DOCK1: variants seen among roughly 807,000 people sequenced by gnomAD.
The protein encoded by DOCK1 is dedicator of cytokinesis 1.
Under a neutral mutation model 262.7 loss-of-function variants are expected in DOCK1, and 138 were observed. That is an observed-to-expected ratio of 0.53 (90% confidence interval 0.46 to 0.61). The LOEUF (loss-of-function observed/expected upper bound fraction) is 0.61, where lower values mean the gene tolerates loss of function less well. Ranked by LOEUF, DOCK1 falls within the 20% of genes least tolerant of loss-of-function variation. DOCK1 has a pLI of 0.00. For missense variants in DOCK1, 1,908 were observed against 2,370.7 expected (o/e 0.80, Z 4.05); for synonymous variants, 866 against 867.4 (o/e 1.00, Z 0.03).
In DOCK1 at chr10:127,175,827, A is replaced by G. The variant is rs779906190; in HGVS notation, c.2847+48063A>G. The G allele has an allele frequency of 1.9e-6, 3 of 1,613,206 alleles. No individual in the cohort carries two copies. In the Admixed American group the frequency reaches 5.0e-5, roughly 27 times the overall value. ...GCTTTTACAGGGCTCTGTGCAGTTG[A>G]CCCCCAAAGGCTGGTCCACTGTGTT... On this transcript the variant is annotated intron_variant, in intron 27 of 51. Coordinates refer to ENST00000623213, the MANE Select transcript of DOCK1 (RefSeq NM_001290223.2). The surrounding 1 kb of genome is among the most constrained non-coding windows in gnomAD (Gnocchi z 6.3).
chr10:127,076,801 C>A (rs776872595), intron 23 of DOCK1, among the ~76,000 whole-genome samples: 3 of 152,188 alleles, frequency 2.0e-5, no homozygotes, highest in Non-Finnish European at 4.4e-5. Context: ...GTCATCTACC[C>A]CAGGGCCTGT....
At chr10:127,021,354 G>A (rs1009065482) in intron 13 of DOCK1, among the ~76,000 whole-genome samples, 1 of 152,126 alleles carries the variant, frequency 6.6e-6, no homozygotes, top group Non-Finnish European at 1.5e-5. Flanking sequence ...TAATAGAGAC[G>A]GGGGTTCACT....
At chr10:127,449,306 C>CA (rs2070802654) in intron 51 of DOCK1, among the ~76,000 whole-genome samples, 1 of 152,090 alleles carries the variant, frequency 6.6e-6, no homozygotes, top group East Asian at 1.9e-4. Context: ...ACATTCTCTT[C>CA]TCTCTATTTT....
intron 21 of DOCK1, among the ~76,000 whole-genome samples, chr10:127,044,269 T>A (rs759280627): frequency 2.6e-5 from 4 of 152,152 alleles, no homozygotes; most frequent in Non-Finnish European, 4.4e-5. Flanking sequence ...CAGCTGTTAA[T>A]ATACCCTGGT....
At chr10:127,353,682 C>T (rs746154405) in intron 31 of DOCK1, among the ~76,000 whole-genome samples, 1 of 152,224 alleles carries the variant, frequency 6.6e-6, no homozygotes, top group East Asian at 1.9e-4. Flanking sequence ...GGCGCATGGC[C>T]TCCCACGCAC....
At chr10:127,411,327 G>T (rs2067833299) in intron 43 of DOCK1, among the ~76,000 whole-genome samples, 1 of 152,194 alleles carries the variant, frequency 6.6e-6, no homozygotes, top group Non-Finnish European at 1.5e-5. Flanking sequence ...ACATGAACTG[G>T]ATCTGGACCC....
intron 22 of DOCK1, among the ~76,000 whole-genome samples, chr10:127,054,779 T>C (rs976410065): frequency 3.3e-5 from 5 of 152,236 alleles, no homozygotes; most frequent in African/African-American, 1.2e-4. Context: ...GTGCAGTTTG[T>C]GATCAATATG....
chr10:127,354,899 C>G (rs1258780850), intron 32 of DOCK1, among the ~76,000 whole-genome samples, 172 bp downstream of exon 32: 1 of 152,166 alleles, frequency 6.6e-6, no homozygotes, highest in East Asian at 1.9e-4. Flanking sequence ...AGATAGAAGA[C>G]CAAAGGCAAG....
chr10:127,307,070 A>G (rs2061903380), intron 29 of DOCK1, among the ~76,000 whole-genome samples: 1 of 152,196 alleles, frequency 6.6e-6, no homozygotes, highest in African/African-American at 2.4e-5. Flanking sequence ...TTACTTCTCA[A>G]TATATTACTT....
chr10:126,953,357 A>G (rs944333740), intron 1 of DOCK1, among the ~76,000 whole-genome samples: 1 of 138,896 alleles, frequency 7.2e-6, no homozygotes, highest in Non-Finnish European at 1.5e-5. Flanking sequence ...TGGTTGTGGT[A>G]GTATTGTTGG....
In DOCK1 at chr10:127,362,224, G is replaced by C. The variant is rs777576948; in HGVS notation, c.3432+12G>C. The C allele has an allele frequency of 1.2e-6, 2 of 1,609,386 alleles. No homozygotes were observed. Among genetic ancestry groups the C allele is most frequent in the Admixed American group, 1.7e-5 (1 of 59,098 alleles). ...GAAGCTTCCAAATGGTAAGGACGTA[G>C]ATGTGCAGCGAGTGGCCGGGGGACA... is the stretch of plus-strand genomic sequence containing the variant. On this transcript the variant is annotated intron_variant, in intron 33 of 51. Coordinates refer to ENST00000623213, the MANE Select transcript of DOCK1 (RefSeq NM_001290223.2).
chr10:126,913,048 A>G (rs1260754150), intron 1 of DOCK1, among the ~76,000 whole-genome samples: 1 of 150,972 alleles, frequency 6.6e-6, no homozygotes, highest in African/African-American at 2.4e-5. Context: ...CGAGGGAGGT[A>G]AGGAGCTTTC....
At chr10:127,261,157 T>C (rs1315695085) in intron 29 of DOCK1, among the ~76,000 whole-genome samples, 1 of 116,768 alleles carries the variant, frequency 8.6e-6, no homozygotes, top group African/African-American at 3.5e-5. Flanking sequence ...GTACCCGTGC[T>C]CATCTGTGTG....
intron 29 of DOCK1, 61 bp downstream of exon 29, chr10:127,257,490 A>G: frequency 6.8e-7 from 1 of 1,473,508 alleles, no homozygotes; most frequent in South Asian, 1.2e-5. Flanking sequence ...TCTGCTGGGA[A>G]CAGTGGTGTT....
At chr10:127,253,103 T>A (rs35484827) in intron 28 of DOCK1, among the ~76,000 whole-genome samples, 50,672 of 151,966 alleles carry the variant, frequency 0.33, 9,725 homozygotes, top group South Asian at 0.57. Context: ...CCAACCCTTT[T>A]GGATTCGAAC....
At chr10:127,221,259 A>G (rs982041617) in intron 27 of DOCK1, among the ~76,000 whole-genome samples, 3 of 152,164 alleles carry the variant, frequency 2.0e-5, no homozygotes, top group Admixed American at 2.0e-4. Context: ...TGTTTTTCCT[A>G]TGTCTTCAAG....
At chr10:127,093,425 TAC>T (rs1480077118) in intron 23 of DOCK1, among the ~76,000 whole-genome samples, 3 of 151,266 alleles carry the variant, frequency 2.0e-5, no homozygotes, top group Admixed American at 1.3e-4. Flanking sequence ...GATCTCAGCT[TAC>T]TGCAAACCTC....
intron 33 of DOCK1, among the ~76,000 whole-genome samples, chr10:127,370,791 C>A (rs2065166173): frequency 6.6e-6 from 1 of 152,210 alleles, no homozygotes; most frequent in Non-Finnish European, 1.5e-5. Flanking sequence ...GCCTTCTATT[C>A]ATAAGTGTTC....
intron 27 of DOCK1, among the ~76,000 whole-genome samples, chr10:127,155,713 C>G (rs1442422084): frequency 2.0e-5 from 3 of 152,314 alleles, no homozygotes; most frequent in Admixed American, 1.3e-4. Flanking sequence ...GGCTCTTCCA[C>G]ATGATGACAT....
Sources: allele counts gnomAD v4.1 joint callset (sites outside exome capture counted in the v4.1 genomes callset), GRCh38; gene constraint gnomAD v4.1.1; non-coding constraint Gnocchi (gnomAD v3.1); transcripts MANE v1.5; gene names NCBI Gene and HGNC (gene_info 2026-07-23, HGNC 2026-07-21).